Variants in PARG observed in about 807,000 individuals in gnomAD.
PARG encodes the protein mitochondrial poly(ADP-ribose) glycohydrolase.
A neutral mutation model predicts 113.0 loss-of-function variants in PARG; 35 were observed. The ratio of observed to expected loss-of-function variants is 0.31; its 90% CI spans 0.24 to 0.41. The LOEUF (loss-of-function observed/expected upper bound fraction) is 0.41, where lower values mean the gene tolerates loss of function less well. Among genes scored for constraint, PARG ranks in the 10% least tolerant of loss-of-function variants. PARG has a pLI of 1.00. For synonymous variants in PARG, 330 were observed against 409.9 expected (o/e 0.81, Z 2.36); for missense variants, 797 against 1,169.4 (o/e 0.68, Z 4.64).
At chr10:49,891,346 A>T (rs1214947485) in intron 7 of PARG, among the ~76,000 whole-genome samples, 3 of 151,772 alleles carry the variant, frequency 2.0e-5, no homozygotes, top group African/African-American at 7.2e-5. Flanking sequence ...AAAAAATAAA[A>T]AAAAATCAAT....
chr10:49,917,028 T>C lies in PARG; in HGVS notation c.1663-1037A>G, dbSNP rs201572758. On this transcript the variant is annotated intron_variant, in intron 6 of 17. Transcript: ENST00000616448. ...TAGGTTAAAAGATGAGCCAACAAAA[T>C]GTGTCTTATTCACTTGGAATCAGGG... 1.3e-4 allele frequency among the ~76,000 whole-genome samples: 20 copies of C among 152,160 alleles called. No homozygotes were observed. In the East Asian group the frequency reaches 3.7e-3, roughly 28 times the overall value.
chr10:49,933,572 A>T lies in PARG; in HGVS notation c.876T>A (p.Pro292=). Residue 292 remains proline, a synonymous_variant, in exon 3 of 18, where the codon CCT becomes CCA. Transcript: ENST00000616448. The part of the protein sequence containing the change: ...TRQESCLGNS[P]PFEKESEPES... ...CGGGTTCACTTTCCTTCTCAAATGG[A>T]GGAGAATTTCCTAGGCAACTTTCTT... 6.2e-7 allele frequency: 1 copy of T among 1,611,670 alleles called. No homozygotes were observed. The highest frequency in any genetic ancestry group is 8.5e-7 in the Non-Finnish European group (1 of 1,177,962).
chr10:49,896,823 G>A (rs1848111944), intron 7 of PARG, among the ~76,000 whole-genome samples: 1 of 152,158 alleles, frequency 6.6e-6, no homozygotes, highest in Non-Finnish European at 1.5e-5. Context: ...TTATAAATGA[G>A]TTGGAAAGTG....
intron 10 of PARG, among the ~76,000 whole-genome samples, chr10:49,866,646 A>G (rs1846526662): frequency 1.3e-5 from 2 of 152,046 alleles, no homozygotes; most frequent in African/African-American, 2.4e-5. Context: ...AAAGAAATTC[A>G]TAAACACTGC....
chr10:49,896,090 T>C (rs1848072099), intron 7 of PARG, among the ~76,000 whole-genome samples: 1 of 152,216 alleles, frequency 6.6e-6, no homozygotes, highest in Middle Eastern at 3.2e-3. Context: ...TTTCTTTTTC[T>C]TGCCTTACTG....
chr10:49,927,982 AAG>A (rs1554851108), intron 4 of PARG, among the ~76,000 whole-genome samples: 41 of 151,752 alleles, frequency 2.7e-4, no homozygotes, highest in African/African-American at 9.4e-4. Flanking sequence ...AAAAAAAAAA[AAG>A]AAGAAGGCCA....
intron 1 of PARG, among the ~76,000 whole-genome samples, chr10:49,937,954 T>A (rs1838831603): frequency 1.3e-5 from 2 of 152,242 alleles, no homozygotes; most frequent in South Asian, 2.1e-4. Context: ...CACAGGACTG[T>A]GTCAGAGCTT....
At chr10:49,841,673 G>C (rs1259493780) in intron 15 of PARG, among the ~76,000 whole-genome samples, 1 of 152,146 alleles carries the variant, frequency 6.6e-6, no homozygotes, top group Non-Finnish European at 1.5e-5. Flanking sequence ...GTTTTACATT[G>C]ATAATGTCCC....
chr10:49,932,655 T>C (rs1235267553), intron 3 of PARG, among the ~76,000 whole-genome samples: 2 of 152,170 alleles, frequency 1.3e-5, no homozygotes, highest in Admixed American at 6.5e-5. Flanking sequence ...TAAGATTCCA[T>C]ATGGGGTAAC....
chr10:49,892,144 T>A (rs1300462960), intron 7 of PARG, among the ~76,000 whole-genome samples: 1 of 152,124 alleles, frequency 6.6e-6, no homozygotes, highest in East Asian at 1.9e-4. Flanking sequence ...GGTGCATTTA[T>A]CAGTTGAAAT....
chr10:49,896,649 C>T (rs1848105248), intron 7 of PARG, among the ~76,000 whole-genome samples: 2 of 152,080 alleles, frequency 1.3e-5, no homozygotes, highest in Admixed American at 6.5e-5. Context: ...GCATTTATCA[C>T]AATAATCATA....
At chr10:49,920,618 A>T (rs1837811993) in intron 6 of PARG, among the ~76,000 whole-genome samples, 1 of 146,328 alleles carries the variant, frequency 6.8e-6, no homozygotes, top group East Asian at 2.0e-4. Context: ...ATATATACGT[A>T]TATATATACA....
chr10:49,879,731 G>T lies in PARG; in HGVS notation c.1930C>A (p.Arg644=), dbSNP rs782171455. Residue 644 remains arginine, a synonymous_variant, in exon 9 of 18, where the codon CGA becomes AGA. Coordinates refer to ENST00000616448, the MANE Select transcript of PARG (RefSeq NM_003631.5). The stretch of plus-strand genomic sequence containing the variant: ...TCCGATTTCATCTTAGCATTTCGTC[G>T]TGGAAATGTGCAGAAGAAAGCATTA... ...LANAFFCTFP[R]RNAKMKSEYS... 1.9e-6 allele frequency: 3 copies of T among 1,579,770 alleles called. No individual in the cohort carries two copies. The highest frequency in any genetic ancestry group is 1.8e-5 in the Admixed American group (1 of 55,026).
intron 7 of PARG, among the ~76,000 whole-genome samples, chr10:49,905,568 A>G (rs1848546136): frequency 6.6e-6 from 1 of 152,230 alleles, no homozygotes; most frequent in African/African-American, 2.4e-5. Context: ...AAGAGGTTTA[A>G]TTAAATAAAG....
intron 16 of PARG, among the ~76,000 whole-genome samples, chr10:49,823,662 T>C (rs1844217320): frequency 1.3e-5 from 2 of 152,156 alleles, no homozygotes; most frequent in Non-Finnish European, 2.9e-5. Context: ...TGAATCATCA[T>C]CTTTCTCCAC....
At chr10:49,925,342 C>A (rs2132921581) in intron 4 of PARG, among the ~76,000 whole-genome samples, 2 of 152,268 alleles carry the variant, frequency 1.3e-5, no homozygotes, top group East Asian at 3.9e-4. Flanking sequence ...CCTTCTTAAC[C>A]CAGACATCCC....
intron 7 of PARG, among the ~76,000 whole-genome samples, chr10:49,903,724 GCAAACAC>G (rs1848447338): frequency 1.3e-5 from 2 of 151,056 alleles, no homozygotes; most frequent in African/African-American, 4.9e-5. Context: ...TAAGAAGCAG[GCAAACAC>G]CATGACAGAG....
chr10:49,887,148 C>CA (rs1554840585), intron 7 of PARG, among the ~76,000 whole-genome samples: 3 of 151,260 alleles, frequency 2.0e-5, no homozygotes, highest in East Asian at 1.9e-4. Context: ...CTCCTGGGCT[C>CA]AAAAAATCTC....
chr10:49,905,804 T>G (rs1554844808), intron 7 of PARG, among the ~76,000 whole-genome samples: 1 of 152,016 alleles, frequency 6.6e-6, no homozygotes, highest in Non-Finnish European at 1.5e-5. Context: ...ACTAGGAGGC[T>G]GTGGTGGGAG....
Sources: gnomAD v4.1 joint callset for allele counts (sites outside exome capture counted in the v4.1 genomes callset) on GRCh38, gnomAD v4.1.1 for gene constraint, MANE v1.5 for transcripts, NCBI Gene and HGNC (gene_info 2026-07-23, HGNC 2026-07-21) for gene names.